The following LARGE1 variants were observed in gnomAD, a reference collection of about 807,000 sequenced individuals.
LARGE1 encodes the protein xylosyl- and glucuronyltransferase LARGE1.
Under a neutral mutation model 87.6 loss-of-function variants are expected in LARGE1, and 43 were observed. The observed-to-expected ratio is 0.49, with a 90% CI of 0.38 to 0.63. The LOEUF (loss-of-function observed/expected upper bound fraction) is 0.63, where lower values mean the gene tolerates loss of function less well. LARGE1 is among the 30% of genes least tolerant of loss of function. The pLI is 0.00. For missense variants in LARGE1, 802 were observed against 1,000.2 expected, an observed-to-expected ratio of 0.80 and a Z score of 2.67; for synonymous variants, 434 against 394.6, an observed-to-expected ratio of 1.10 and a Z score of -1.18.
chr22:33,166,858 G>C (rs1369160082), intron 11 of LARGE1: 1 of 471,184 alleles, frequency 2.1e-6, no homozygotes, highest in East Asian at 6.9e-5. Context: ...AATGAGAAAG[G>C]GTTGATTCAA....
intron 5 of LARGE1, among the ~76,000 whole-genome samples, chr22:33,583,641 C>A (rs938649940): frequency 1.3e-5 from 2 of 152,172 alleles, no homozygotes; most frequent in African/African-American, 4.8e-5. Context: ...CTGAATAGGT[C>A]AGGGACATTG....
At chr22:33,175,034 GA>G (rs1922788045) in intron 11 of LARGE1, among the ~76,000 whole-genome samples, 1 of 152,074 alleles carries the variant, frequency 6.6e-6, no homozygotes, top group Non-Finnish European at 1.5e-5. Context: ...AACAAAAAAA[GA>G]AAATTTCAGG....
chr22:33,478,227 C>T (rs946287762), intron 6 of LARGE1, among the ~76,000 whole-genome samples: 3 of 152,178 alleles, frequency 2.0e-5, no homozygotes, highest in African/African-American at 4.8e-5. Flanking sequence ...ACTTTCCAAA[C>T]GGGCTTCCAC....
intron 2 of LARGE1, among the ~76,000 whole-genome samples, chr22:33,737,146 C>T (rs2083684865): frequency 6.6e-6 from 1 of 152,180 alleles, no homozygotes; most frequent in Non-Finnish European, 1.5e-5. Flanking sequence ...GCGTCATTTG[C>T]TTCTTATTTG....
At chr22:33,192,891 T>C (rs137423) in intron 11 of LARGE1, among the ~76,000 whole-genome samples, 51,109 of 152,054 alleles carry the variant, frequency 0.34, 9,051 homozygotes, top group Non-Finnish European at 0.39. Flanking sequence ...GTGTGGATAA[T>C]CAGTTTTCCC....
intron 10 of LARGE1, among the ~76,000 whole-genome samples, chr22:33,325,778 C>T (rs376613832): frequency 2.0e-5 from 3 of 152,236 alleles, no homozygotes; most frequent in Admixed American, 2.0e-4. Flanking sequence ...ACCACTCAAG[C>T]ATGTTGCTTT....
rs115531469 is a variant in LARGE1, at chr22:33,656,676, T to C, written c.107-6008A>G. 3.0e-3 allele frequency among the ~76,000 whole-genome samples: 461 copies of C among 152,320 alleles called. 3 individuals carry two copies. Among genetic ancestry groups the C allele is most frequent in the African/African-American group, 0.01 (434 of 41,568 alleles). On this transcript the variant is annotated intron_variant, in intron 2 of 14. Transcript: ENST00000397394. ...GATATACACAGTCTATGTATGAACA[T>C]GATGTATCGTTCTATCATGCAATAC...
intron 2 of LARGE1, among the ~76,000 whole-genome samples, chr22:33,741,863 T>C (rs2083895569): frequency 6.6e-6 from 1 of 152,156 alleles, no homozygotes; most frequent in South Asian, 2.1e-4. Flanking sequence ...GTGGGTTCCA[T>C]GCCCACCCTC....
rs544535371 is a variant in LARGE1, at chr22:33,399,585, T to G, written c.893-15281A>C. 4.6e-5 allele frequency among the ~76,000 whole-genome samples: 7 copies of G among 152,250 alleles called. No individual in the cohort carries two copies. The East Asian group carries it at 1.4e-3, about 29-fold the overall frequency. On this transcript the variant is annotated intron_variant, in intron 7 of 14. Transcript: ENST00000397394. ...TAGAACCAGAAACTTCTGCTTTTTT[T>G]TTGCCCAGGCTGGAGTGCAATGGTG...
intron 10 of LARGE1, among the ~76,000 whole-genome samples, chr22:33,325,007 A>T (rs1328480147): frequency 6.6e-6 from 1 of 152,236 alleles, no homozygotes; most frequent in Non-Finnish European, 1.5e-5. Flanking sequence ...TTAGTAGAAG[A>T]AGACATCCAT....
chr22:33,577,933 GAC>G (rs765327967), intron 5 of LARGE1, among the ~76,000 whole-genome samples: 1 of 152,234 alleles, frequency 6.6e-6, no homozygotes, highest in African/African-American at 2.4e-5. Context: ...TCTTCTGGCT[GAC>G]AGCCAAAATG....
At chr22:33,483,698 A>T (rs545753296) in intron 6 of LARGE1, among the ~76,000 whole-genome samples, 1 of 152,288 alleles carries the variant, frequency 6.6e-6, no homozygotes, top group South Asian at 2.1e-4. Context: ...GGCACTGAAG[A>T]TCCTGCCTCG....
chr22:33,386,639 A>G (rs927847732), intron 7 of LARGE1, among the ~76,000 whole-genome samples: 7 of 148,980 alleles, frequency 4.7e-5, no homozygotes, highest in African/African-American at 1.7e-4. Context: ...TTGGGGAGGA[A>G]GGTACACAGT....
intron 9 of LARGE1, among the ~76,000 whole-genome samples, chr22:33,379,338 T>C (rs1396622940): frequency 6.6e-6 from 1 of 152,004 alleles, no homozygotes; most frequent in African/African-American, 2.4e-5. Flanking sequence ...TATGTGTACA[T>C]GTGCCATGTT....
At chr22:33,452,012 C>T (rs773537339) in intron 6 of LARGE1, among the ~76,000 whole-genome samples, 40 of 152,198 alleles carry the variant, frequency 2.6e-4, no homozygotes, top group African/African-American at 8.4e-4. Context: ...AGTCAGAGAT[C>T]GCATTCCAAC....
At position 33,273,844 on chromosome 22, in the gene LARGE1, T is replaced by C. The variant is rs1928622621; in HGVS notation, c.*583A>G. 2 of 388,540 alleles carry C rather than the reference T, an allele frequency of 5.1e-6. No homozygotes were observed. Among genetic ancestry groups the C allele is most frequent in the Non-Finnish European group, 9.1e-6 (2 of 220,492 alleles). 24.1% of individuals were successfully genotyped at this position (388,540 alleles called of 1,614,324 possible). A position where few individuals can be genotyped will look rare whatever the true frequency, so the allele number is the denominator to read the frequency against. ...AACAAAACAGGAGTGACTTTGGGGA[T>C]AAGGAAACCCATCAACCCCACCTCC... On this transcript the variant is annotated 3_prime_UTR_variant, in exon 15 of 15. Coordinates refer to ENST00000397394, the MANE Select transcript of LARGE1 (RefSeq NM_133642.5).
chr22:33,905,954 A>G (rs903037262), intron 1 of LARGE1, among the ~76,000 whole-genome samples: 1 of 152,040 alleles, frequency 6.6e-6, no homozygotes. Flanking sequence ...ACAAGGTGAA[A>G]CCCCATCTCT....
the LARGE1 span, among the ~76,000 whole-genome samples, chr22:33,157,140 A>G: frequency 6.6e-6 from 1 of 152,214 alleles, no homozygotes; most frequent in Non-Finnish European, 1.5e-5. Context: ...GTTAATAAAG[A>G]CTGGCCTTTT....
chr22:33,525,103 T>C (rs2071816188), intron 6 of LARGE1, among the ~76,000 whole-genome samples: 1 of 152,312 alleles, frequency 6.6e-6, no homozygotes, highest in South Asian at 2.1e-4. Flanking sequence ...ATGGAACTCA[T>C]GGCTTACTCA....
Sources: gnomAD v4.1 joint callset for allele counts (sites outside exome capture counted in the v4.1 genomes callset) on GRCh38, gnomAD v4.1.1 for gene constraint, MANE v1.5 for transcripts, NCBI Gene and HGNC (gene_info 2026-07-23, HGNC 2026-07-21) for gene names.